DAB1: variants seen among roughly 807,000 people sequenced by gnomAD.
DAB1 encodes DAB adaptor protein 1, also known as disabled homolog 1.
A neutral mutation model predicts 64.6 loss-of-function variants in DAB1; 15 were observed. The observed-to-expected ratio is 0.23, with a 90% confidence interval of 0.16 to 0.36. The LOEUF is 0.36. Among genes scored for constraint, DAB1 ranks in the 10% least tolerant of loss-of-function variants. DAB1 has a pLI of 1.00. For synonymous variants in DAB1, 235 were observed against 251.9 expected (o/e 0.93, Z 0.64); for missense variants, 596 against 706.7 (o/e 0.84, Z 1.78).
intron 1 of DAB1, among the ~76,000 whole-genome samples, chr1:57,408,158 G>A (rs1351406606): frequency 2.6e-5 from 4 of 152,158 alleles, no homozygotes; most frequent in Non-Finnish European, 4.4e-5. Flanking sequence ...TTACACAAGC[G>A]CTGCTGAGAC....
At chr1:58,486,522 T>C (rs1179572880) in intron 3 of DAB1, among the ~76,000 whole-genome samples, 1 of 152,208 alleles carries the variant, frequency 6.6e-6, no homozygotes, top group Non-Finnish European at 1.5e-5. Context: ...ATCCTGCCTA[T>C]TATTACACAT....
intron 4 of DAB1, among the ~76,000 whole-genome samples, chr1:58,188,253 G>A (rs1313954049): frequency 6.6e-6 from 1 of 152,174 alleles, no homozygotes; most frequent in South Asian, 2.1e-4. Context: ...AAAAAACAAA[G>A]AATATGTGAC....
chr1:57,404,083 C>T (rs377677974), intron 1 of DAB1, among the ~76,000 whole-genome samples: 13 of 151,640 alleles, frequency 8.6e-5, no homozygotes, highest in East Asian at 1.9e-4. Flanking sequence ...TGTTAAGATA[C>T]GCATCAAAGC....
intron 9 of DAB1, among the ~76,000 whole-genome samples, chr1:57,048,707 T>C (rs763473467): frequency 1.6e-4 from 25 of 152,204 alleles, no homozygotes; most frequent in Non-Finnish European, 3.1e-4. Context: ...AGGCTCCAAC[T>C]CAGCTTCAAC....
chr1:58,514,011 T>C (rs1279156024), intron 2 of DAB1, among the ~76,000 whole-genome samples: 1 of 152,152 alleles, frequency 6.6e-6, no homozygotes, highest in Non-Finnish European at 1.5e-5. Context: ...AAGCAGTGAA[T>C]TGTCAAGTTA....
chr1:58,377,692 T>C (rs11207211), intron 3 of DAB1, among the ~76,000 whole-genome samples: 3,906 of 138,338 alleles, frequency 0.028, 265 homozygotes, highest in African/African-American at 0.096. Flanking sequence ...ATCTTTGTGG[T>C]GTTCTCTGTA....
chr1:58,129,441 T>C, intron 5 of DAB1, among the ~76,000 whole-genome samples: 1 of 131,048 alleles, frequency 7.6e-6, no homozygotes, highest in Non-Finnish European at 1.6e-5. Context: ...GAAGGGTTTT[T>C]TGTGTCTCTA....
chr1:57,524,821 ATG>A (rs904936808), intron 7 of DAB1, among the ~76,000 whole-genome samples: 69 of 152,106 alleles, frequency 4.5e-4, no homozygotes, highest in African/African-American at 1.6e-3. Flanking sequence ...GTCACAGGGG[ATG>A]CCACGGCTTG....
chr1:58,506,962 T>C (rs1186459427), intron 2 of DAB1, among the ~76,000 whole-genome samples: 2 of 152,192 alleles, frequency 1.3e-5, no homozygotes, highest in East Asian at 1.9e-4. Context: ...TACACTCATA[T>C]ACATACTCAT....
intron 1 of DAB1, among the ~76,000 whole-genome samples, chr1:57,299,935 G>A (rs1673496547): frequency 6.6e-6 from 1 of 152,110 alleles, no homozygotes; most frequent in Admixed American, 6.6e-5. Context: ...AATTGTCATA[G>A]CTGCTTGCCT....
intron 3 of DAB1, among the ~76,000 whole-genome samples, chr1:58,441,121 G>C (rs1251633981): frequency 6.6e-6 from 1 of 152,182 alleles, no homozygotes; most frequent in Non-Finnish European, 1.5e-5. Flanking sequence ...CATTGACAAA[G>C]TGGGTTCTGG....
intron 5 of DAB1, among the ~76,000 whole-genome samples, chr1:58,118,025 T>C (rs1197718430): frequency 6.6e-6 from 1 of 151,842 alleles, no homozygotes; most frequent in East Asian, 1.9e-4. Flanking sequence ...TACCTCAGCC[T>C]CCTGAGTAGC....
chr1:57,453,073 T>G lies in DAB1; in HGVS notation n.626-161907A>C, dbSNP rs951991850. Among the ~76,000 whole-genome samples the G allele has an allele frequency of 5.3e-5, 8 of 152,056 alleles. No homozygotes were observed. The East Asian group carries it at 1.2e-3, about 22-fold the overall frequency. ...AAACTGGTAAAATTTAGGAGCTGAT[T>G]ACATGGGAAAGGGGTAGAAAGAAGG... On this transcript the variant is annotated intron_variant and non_coding_transcript_variant, in intron 7 of 20. Transcript: ENST00000485760.
chr1:57,912,040 T>A (rs992740430), intron 5 of DAB1, among the ~76,000 whole-genome samples: 1 of 152,192 alleles, frequency 6.6e-6, no homozygotes, highest in Non-Finnish European at 1.5e-5. Flanking sequence ...CACTAAAGCC[T>A]GAGGGGGAGG....
At chr1:58,329,523 G>A (rs1460396134) in intron 4 of DAB1, among the ~76,000 whole-genome samples, 1 of 152,124 alleles carries the variant, frequency 6.6e-6, no homozygotes, top group African/African-American at 2.4e-5. Context: ...TAATATCTGA[G>A]ACATAATGCA....
At chr1:57,274,615 C>G (rs1671307113) in intron 2 of DAB1, among the ~76,000 whole-genome samples, 1 of 152,166 alleles carries the variant, frequency 6.6e-6, no homozygotes, top group South Asian at 2.1e-4. Context: ...GAGTCTTGCT[C>G]TGTTGCCCAG....
intron 11 of DAB1, among the ~76,000 whole-genome samples, chr1:57,023,224 A>G (rs1455062722): frequency 6.6e-6 from 1 of 152,204 alleles, no homozygotes; most frequent in Non-Finnish European, 1.5e-5. Flanking sequence ...GAGGTGGAAG[A>G]GTGGAAATGG....
At chr1:58,213,791 T>G (rs1246359438) in intron 4 of DAB1, among the ~76,000 whole-genome samples, 2 of 152,188 alleles carry the variant, frequency 1.3e-5, no homozygotes, top group African/African-American at 2.4e-5. Context: ...AAATTGGGAC[T>G]TCAGTACCTG....
chr1:58,116,497 A>G (rs1340420388), intron 5 of DAB1, among the ~76,000 whole-genome samples: 1 of 152,216 alleles, frequency 6.6e-6, no homozygotes, highest in Non-Finnish European at 1.5e-5. Flanking sequence ...AAGTGCTTCC[A>G]ATATACATCA....
Sources: allele counts gnomAD v4.1 joint callset (sites outside exome capture counted in the v4.1 genomes callset), GRCh38; gene constraint gnomAD v4.1.1; transcripts MANE v1.5; gene names NCBI Gene and HGNC (gene_info 2026-07-23, HGNC 2026-07-21).